The following GPR89B variants were observed in gnomAD, a reference collection of about 807,000 sequenced individuals.
GPR89B encodes the protein golgi pH regulator B.
A neutral mutation model predicts 52.4 loss-of-function variants in GPR89B; 25 were observed. The observed-to-expected ratio is 0.48, with a 90% confidence interval of 0.35 to 0.67. The LOEUF is 0.67. Among genes scored for constraint, GPR89B ranks in the 30% least tolerant of loss-of-function variants. GPR89B has a pLI of 0.01. For synonymous variants in GPR89B, 52 were observed against 151.2 expected, an observed-to-expected ratio of 0.34 and a Z score of 4.81; for missense variants, 146 against 450.2, an observed-to-expected ratio of 0.32 and a Z score of 6.11.
chr1:147,994,897 G>A (rs1264371286), downstream of GPR89B, among the ~76,000 whole-genome samples: 7 of 151,916 alleles, frequency 4.6e-5, no homozygotes, highest in South Asian at 1.0e-3. Context: ...TTAGAGTCTC[G>A]GCTTTGCTAT....
the GPR89B span, among the ~76,000 whole-genome samples, chr1:148,019,383 G>T: frequency 2.6e-5 from 4 of 151,548 alleles, no homozygotes; most frequent in South Asian, 8.4e-4. Context: ...TGGATAAATG[G>T]GGTTAGGGGG....
chr1:148,003,568 C>T, the GPR89B span, among the ~76,000 whole-genome samples: 2 of 152,148 alleles, frequency 1.3e-5, no homozygotes, highest in East Asian at 1.9e-4. Context: ...ACCAGGATAC[C>T]GTTGCCCAGA....
chr1:147,982,755 G>A (rs1658365085), intron 10 of GPR89B, among the ~76,000 whole-genome samples: 1 of 147,178 alleles, frequency 6.8e-6, no homozygotes, highest in African/African-American at 2.5e-5. Context: ...CCATTTTCAT[G>A]ATATTGATTC....
chr1:147,968,773 C>T (rs1657213403), intron 8 of GPR89B, 102 bp from the exon 9 acceptor site: 1 of 1,584,878 alleles, frequency 6.3e-7, no homozygotes, highest in South Asian at 1.1e-5. Context: ...ATATAGGCAA[C>T]TCCGGGAATC....
intron 3 of GPR89B, 83 bp from the exon 4 acceptor site, chr1:147,943,355 A>T: frequency 6.3e-7 from 1 of 1,595,358 alleles, no homozygotes; most frequent in East Asian, 2.2e-5. Context: ...GTCCAAGAGC[A>T]AAAGGACCCT....
At chr1:147,931,577 GT>G (rs1653612709) in intron 1 of GPR89B, among the ~76,000 whole-genome samples, 1 of 149,856 alleles carries the variant, frequency 6.7e-6, no homozygotes, top group Admixed American at 6.6e-5. Flanking sequence ...TGTGTGTGTA[GT>G]TTAAGTCTTT....
the GPR89B span, among the ~76,000 whole-genome samples, chr1:148,019,760 G>A: frequency 6.6e-6 from 1 of 151,994 alleles, no homozygotes; most frequent in Admixed American, 6.5e-5. Flanking sequence ...TAATATCCTA[G>A]CATCTACCTA....
At position 147,936,639 on chromosome 1, in the gene GPR89B, G is replaced by A. The variant is rs1654115139; in HGVS notation, c.55G>A (p.Gly19Arg). 6.2e-7 allele frequency: 1 copy of A among 1,610,496 alleles called. No homozygotes were observed. Among genetic ancestry groups the A allele is most frequent in the Non-Finnish European group, 8.5e-7 (1 of 1,177,892 alleles). Residue 19 changes from glycine to arginine, a missense_variant, in exon 2 of 14, where the codon GGA becomes AGA. Transcript: ENST00000314163. ...CTTTCTCCTCCAGATACTATTTTTTGGATTTGGGTGGCTTTTCTTCATGCG... is the reference window on the plus strand; with the variant it reads ...CTTTCTCCTCCAGATACTATTTTTTAGATTTGGGTGGCTTTTCTTCATGCG... ...IMITSQILFF[G>R]FGWLFFMRQL...
At chr1:147,995,307 C>T (rs1238930553), downstream of GPR89B, among the ~76,000 whole-genome samples, 9 of 150,292 alleles carry the variant, frequency 6.0e-5, no homozygotes, top group East Asian at 2.0e-4. Context: ...CTAGATCATC[C>T]GATTCAGGCT....
chr1:147,949,675 AC>A (rs1285709229), intron 5 of GPR89B, among the ~76,000 whole-genome samples: 12 of 110,268 alleles, frequency 1.1e-4, no homozygotes, highest in Non-Finnish European at 1.5e-4. Flanking sequence ...CGGGGGGCTG[AC>A]CCCCCCACCT....
chr1:147,939,798 G>A (rs1378995440), intron 3 of GPR89B, among the ~76,000 whole-genome samples: 2 of 151,762 alleles, frequency 1.3e-5, no homozygotes, highest in African/African-American at 2.4e-5. Flanking sequence ...AGGGGTTCAA[G>A]ACGAGCCTGG....
chr1:147,938,519 TAGTGACTCAAGATTCAGA>T (rs1371106960), intron 2 of GPR89B, among the ~76,000 whole-genome samples, 177 bp from the exon 3 acceptor site: 2 of 148,088 alleles, frequency 1.4e-5, no homozygotes, highest in Admixed American at 1.3e-4. Context: ...ATGCTGGTAA[TAGTGACTCAAGATTCAGA>T]AGTGCCACCT....
rs782449213 is a variant in GPR89B at position 147,943,416 on chromosome 1, C to T, written c.207-22C>T. ...TGCTGCCCTCTCTTCCTCCCAGTGA[C>T]AGTCTTTGACATTTATTTCAGCTCC... On this transcript the variant is annotated intron_variant, in intron 3 of 13. Coordinates refer to ENST00000314163, the MANE Select transcript of GPR89B (RefSeq NM_016334.5). 2.9e-5 allele frequency: 47 copies of T among 1,600,246 alleles called. No individual in the cohort carries two copies. The Admixed American group carries it at 5.9e-4, about 20-fold the overall frequency.
the GPR89B span, among the ~76,000 whole-genome samples, chr1:148,019,277 AAGCAGTGCACATTATCTTT>A: frequency 5.3e-5 from 8 of 151,396 alleles, no homozygotes; most frequent in Non-Finnish European, 7.4e-5. Flanking sequence ...ACCGGGTCAA[AAGCAGTGCACATTATCTTT>A]AGCAAGCTAA....
chr1:147,989,985 G>A, intron 12 of GPR89B, among the ~76,000 whole-genome samples: 1 of 152,212 alleles, frequency 6.6e-6, no homozygotes, highest in Non-Finnish European at 1.5e-5. Flanking sequence ...ACCCAGTAAT[G>A]GGATGACTGG....
rs782622975 is a variant in GPR89B at position 147,928,530 on chromosome 1, C to A, written c.-7C>A. 6.2e-7 allele frequency: 1 copy of A among 1,613,926 alleles called. No individual in the cohort carries two copies. The highest frequency in any genetic ancestry group is 8.5e-7 in the Non-Finnish European group (1 of 1,179,808). ...AGTGGAGGCAGGAGCCTTCCTTACACTTCGCCATGAGTTTCCTGATCGACT... is the reference window on the plus strand; with the variant it reads ...AGTGGAGGCAGGAGCCTTCCTTACAATTCGCCATGAGTTTCCTGATCGACT... On this transcript the variant is annotated 5_prime_UTR_variant, in exon 1 of 14. Coordinates refer to ENST00000314163, the MANE Select transcript of GPR89B (RefSeq NM_016334.5).
chr1:148,002,063 T>A, the GPR89B span, among the ~76,000 whole-genome samples: 5 of 148,264 alleles, frequency 3.4e-5, no homozygotes, highest in African/African-American at 1.3e-4. Context: ...TTTTAACAAG[T>A]TCCTGTTTCA....
rs1415932792 is a variant in GPR89B, at chr1:147,981,004, G to C, written c.910-5195G>C. Among the ~76,000 whole-genome samples the C allele has an allele frequency of 3.3e-5, 5 of 151,104 alleles. No homozygotes were observed. In the South Asian group the frequency reaches 8.3e-4, roughly 25 times the overall value. The stretch of plus-strand genomic sequence containing the variant: ...CATAATTTATATTGTTTTATGATTG[G>C]CTTCTCTCATTTAGCATAATGGGGT... On this transcript the variant is annotated intron_variant, in intron 10 of 13. Coordinates refer to ENST00000314163, the MANE Select transcript of GPR89B (RefSeq NM_016334.5).
chr1:147,950,418 C>T (rs1655555879), intron 5 of GPR89B, among the ~76,000 whole-genome samples: 2 of 151,292 alleles, frequency 1.3e-5, no homozygotes, highest in South Asian at 4.2e-4. Context: ...GATGGTATGG[C>T]GGCCGGGCAG....
Sources: allele counts gnomAD v4.1 joint callset (sites outside exome capture counted in the v4.1 genomes callset), GRCh38; gene constraint gnomAD v4.1.1; transcripts MANE v1.5; gene names NCBI Gene and HGNC (gene_info 2026-07-23, HGNC 2026-07-21).